TRAM1: variants seen among roughly 807,000 people sequenced by gnomAD.
The protein encoded by TRAM1 is translocating chain-associated membrane protein 1.
In TRAM1, 17 loss-of-function variants were observed where a neutral mutation model predicts 48.7. That is an observed-to-expected ratio of 0.35 (90% CI 0.24 to 0.52). The LOEUF (loss-of-function observed/expected upper bound fraction) is 0.52. Among genes scored for constraint, TRAM1 ranks in the 20% least tolerant of loss-of-function variants. TRAM1 has a pLI of 0.94. For synonymous variants in TRAM1, 182 were observed against 154.0 expected (o/e 1.18, Z -1.34); for missense variants, 351 against 441.5 (o/e 0.79, Z 1.84).
chr8:70,591,727 A>C lies in TRAM1; in HGVS notation c.570+2779T>G, dbSNP rs185502162. On this transcript the variant is annotated intron_variant, in intron 6 of 10. Coordinates refer to ENST00000262213, the MANE Select transcript of TRAM1 (RefSeq NM_014294.6). ...TCTCCCCCCAAACCCCAGATGGTAC[A>C]TCTTATAATTAAATCTTTACAAAGC... Among the ~76,000 whole-genome samples, 27 of 152,352 alleles carry C rather than the reference A, an allele frequency of 1.8e-4. No homozygotes were observed. The East Asian group carries it at 5.2e-3, about 29-fold the overall frequency.
At chr8:70,602,851 G>A (rs953892325) in intron 1 of TRAM1, among the ~76,000 whole-genome samples, 1 of 152,194 alleles carries the variant, frequency 6.6e-6, no homozygotes, top group Non-Finnish European at 1.5e-5. Context: ...TAATATACTG[G>A]AGAAAGGGAA....
In TRAM1 at chr8:70,595,640, A is replaced by G. The variant is rs562165732; in HGVS notation, c.485+623T>C. On this transcript the variant is annotated intron_variant, in intron 5 of 10. Transcript: ENST00000262213. ...ATACAAGACTTACAAAAATGAGACA[A>G]TTATAGAACAATCAAAACAATATAT... Among the ~76,000 whole-genome samples, 29 of 152,300 alleles carry G rather than the reference A, an allele frequency of 1.9e-4. No individual in the cohort carries two copies. In the South Asian group the frequency reaches 2.9e-3, roughly 15 times the overall value.
intron 8 of TRAM1, among the ~76,000 whole-genome samples, chr8:70,584,463 T>TA (rs1285081384): frequency 6.6e-6 from 1 of 152,146 alleles, no homozygotes; most frequent in East Asian, 1.9e-4. Context: ...AAATAAAGGG[T>TA]ATTCAATTAG....
chr8:70,593,001 C>G (rs545289551), intron 6 of TRAM1, among the ~76,000 whole-genome samples: 6 of 152,126 alleles, frequency 3.9e-5, no homozygotes, highest in Non-Finnish European at 8.8e-5. Context: ...ACATTAGGAG[C>G]TTACTAAACA....
chr8:70,588,256 AGGGGTCACACC>A (rs1486355105), intron 6 of TRAM1, among the ~76,000 whole-genome samples: 2 of 152,078 alleles, frequency 1.3e-5, no homozygotes, highest in African/African-American at 4.8e-5. Context: ...AAATCAATTT[AGGGGTCACACC>A]AGCATCTTTT....
intron 2 of TRAM1, 66 bp downstream of exon 2, chr8:70,599,952 GA>G (rs1817570115): frequency 7.7e-7 from 1 of 1,299,406 alleles, no homozygotes. Flanking sequence ...TAGCATTCAT[GA>G]AAATTTCCAA....
chr8:70,589,766 A>T (rs1817309744), intron 6 of TRAM1, among the ~76,000 whole-genome samples: 1 of 152,174 alleles, frequency 6.6e-6, no homozygotes, highest in Non-Finnish European at 1.5e-5. Context: ...TAAGCCTGGC[A>T]GGTTGAGGCT....
intron 10 of TRAM1, among the ~76,000 whole-genome samples, chr8:70,575,542 C>A (rs891705412): frequency 6.6e-6 from 1 of 152,084 alleles, no homozygotes; most frequent in Non-Finnish European, 1.5e-5. Context: ...GGGACCTCAG[C>A]CTCCCAAATA....
rs1481131442 is a variant in TRAM1 at position 70,583,684 on chromosome 8, A to G, written c.856T>C (p.Phe286Leu). Reference protein sequence around the residue: ...LARAENQKLDFSTGNFNVLAV... With the variant: ...LARAENQKLDLSTGNFNVLAV... ...AACACATTGAAGTTTCCAGTACTGA[A>G]ATCCAGCTTCTGATTTTCTGCTCTT... The change falls in exon 9 of 11, where the codon TTC (phenylalanine) becomes CTC (leucine). Residue 286 changes from phenylalanine (F) to leucine (L), a missense_variant. Physicochemically the swap from Phe to Leu is conservative, Grantham distance 22 (BLOSUM62 0). Transcript: ENST00000262213. 1 of 1,613,276 alleles carries G rather than the reference A, an allele frequency of 6.2e-7. No individual in the cohort carries two copies. Among genetic ancestry groups the G allele is most frequent in the Admixed American group, 1.7e-5 (1 of 59,736 alleles).
At chr8:70,591,400 C>G (rs911906405) in intron 6 of TRAM1, among the ~76,000 whole-genome samples, 2 of 152,158 alleles carry the variant, frequency 1.3e-5, no homozygotes, top group African/African-American at 4.8e-5. Context: ...ACGGTGTTCA[C>G]ATGTCTGAGG....
In TRAM1 at chr8:70,579,883, A is replaced by G. The variant is rs973900262; in HGVS notation, c.1051+3281T>C. On this transcript the variant is annotated intron_variant, in intron 10 of 10. Coordinates refer to ENST00000262213, the MANE Select transcript of TRAM1 (RefSeq NM_014294.6). ...AAGGTATAATATTTATAGACGCTGTAACTGTATATTTTAGTGTAAACTTTA... is the reference window on the plus strand; with the variant it reads ...AAGGTATAATATTTATAGACGCTGTGACTGTATATTTTAGTGTAAACTTTA... 5.3e-5 allele frequency among the ~76,000 whole-genome samples: 8 copies of G among 152,350 alleles called. 1 individual carries two copies. The South Asian group carries it at 1.2e-3, about 24-fold the overall frequency.
intron 6 of TRAM1, 82 bp from the exon 7 acceptor site, chr8:70,587,258 G>T: frequency 7.1e-7 from 1 of 1,400,482 alleles, no homozygotes; most frequent in Non-Finnish European, 9.8e-7. Context: ...TTGCTATGTT[G>T]CCCAGGTTGG....
At chr8:70,594,639 T>TTA (rs764949026) in intron 5 of TRAM1, 49 bp from the exon 6 acceptor site, 3 of 1,403,422 alleles carry the variant, frequency 2.1e-6, no homozygotes, top group Admixed American at 2.3e-5. Context: ...ATAATTTTTT[T>TTA]AAAAAAAAGT....
At chr8:70,580,406 A>G (rs1817050063) in intron 10 of TRAM1, among the ~76,000 whole-genome samples, 1 of 152,210 alleles carries the variant, frequency 6.6e-6, no homozygotes, top group South Asian at 2.1e-4. Flanking sequence ...AACATCTGAA[A>G]ATCAATCTAA....
chr8:70,598,551 C>T (rs748658520), intron 2 of TRAM1, among the ~76,000 whole-genome samples: 1 of 152,118 alleles, frequency 6.6e-6, no homozygotes, highest in African/African-American at 2.4e-5. Context: ...CTGATATTAT[C>T]CCAGGGGTAT....
chr8:70,598,279 T>C (rs1386855077), intron 2 of TRAM1, 24 bp from the exon 3 acceptor site: 1 of 1,586,406 alleles, frequency 6.3e-7, no homozygotes. Flanking sequence ...AGGACACAAA[T>C]ACACAAAAAT....
At chr8:70,595,632 ATG>A (rs1386899229) in intron 5 of TRAM1, among the ~76,000 whole-genome samples, 4 of 152,196 alleles carry the variant, frequency 2.6e-5, no homozygotes, top group African/African-American at 9.6e-5. Context: ...ACTTACAAAA[ATG>A]AGACAATTAT....
At chr8:70,600,109 A>G in intron 1 of TRAM1, 27 bp from the exon 2 acceptor site, 1 of 1,593,124 alleles carries the variant, frequency 6.3e-7, no homozygotes, top group Non-Finnish European at 8.6e-7. Flanking sequence ...ACAAAGATCA[A>G]GTCAATTTGT....
intron 1 of TRAM1, among the ~76,000 whole-genome samples, chr8:70,605,478 C>T (rs1299179065): frequency 6.6e-6 from 1 of 152,152 alleles, no homozygotes. Flanking sequence ...TTGTCAATGT[C>T]ACCATAAATC....
Sources: gnomAD v4.1 joint callset for allele counts (sites outside exome capture counted in the v4.1 genomes callset) on GRCh38, gnomAD v4.1.1 for gene constraint, MANE v1.5 for transcripts, NCBI Gene and HGNC (gene_info 2026-07-23, HGNC 2026-07-21) for gene names.